Variants in NCAPD3 observed in about 807,000 individuals in gnomAD.
NCAPD3 encodes the protein non-SMC condensin II complex subunit D3, also known as condensin-2 complex subunit D3.
Under a neutral mutation model 182.9 loss-of-function variants are expected in NCAPD3, and 105 were observed. The observed-to-expected ratio is 0.57, with a 90% CI of 0.49 to 0.68. The LOEUF (loss-of-function observed/expected upper bound fraction) is 0.68. Among genes scored for constraint, NCAPD3 ranks in the 30% least tolerant of loss-of-function variants. NCAPD3 has a pLI of 0.00. For synonymous variants in NCAPD3, 815 were observed against 679.9 expected (o/e 1.20, Z -3.09); for missense variants, 1,944 against 1,837.0 (o/e 1.06, Z -1.07).
At chr11:134,167,360 G>T (rs1474993516) in intron 27 of NCAPD3, among the ~76,000 whole-genome samples, 1 of 95,156 alleles carries the variant, frequency 1.1e-5, no homozygotes, top group Non-Finnish European at 2.0e-5. Flanking sequence ...GATGAGCTTG[G>T]GGGAGGCGCA....
rs1246819127 is a variant in NCAPD3 at position 134,159,955 on chromosome 11, C to T, written c.3804G>A (p.Glu1268=). The T allele has an allele frequency of 1.1e-5, 17 of 1,614,076 alleles. No homozygotes were observed. Among genetic ancestry groups the T allele is most frequent in the Non-Finnish European group, 1.4e-5 (17 of 1,180,046 alleles). Residue 1268 remains glutamate (E), a synonymous_variant, in exon 29 of 35, where the codon GAG becomes GAA. Transcript: ENST00000534548. ...CGGCCACATCTGCATGTTTTGCTAG[C>T]TCCTGCTCCTGGACCAGCTGTTCCT... is the stretch of plus-strand genomic sequence containing the variant. ...KYQEQLVQEQ[E]LAKHADVAGT...
At chr11:134,206,518 C>T (rs1937618759) in intron 8 of NCAPD3, 81 bp downstream of exon 8, 1 of 1,553,296 alleles carries the variant, frequency 6.4e-7, no homozygotes, top group Non-Finnish European at 8.8e-7. Flanking sequence ...TTTAAGTCTA[C>T]ATGTATCAGA....
intron 3 of NCAPD3, among the ~76,000 whole-genome samples, chr11:134,215,783 A>C (rs1406641056): frequency 6.6e-6 from 1 of 152,226 alleles, no homozygotes; most frequent in Non-Finnish European, 1.5e-5. Flanking sequence ...TTATTGTTGC[A>C]GAAATTCACG....
At chr11:134,165,282 T>C (rs1296870863) in intron 27 of NCAPD3, among the ~76,000 whole-genome samples, 1 of 143,052 alleles carries the variant, frequency 7.0e-6, no homozygotes, top group African/African-American at 2.7e-5. Context: ...CACACTCGCT[T>C]GTGAGATGAA....
chr11:134,225,140 C>T (rs975314478), upstream of NCAPD3: 5 of 1,609,728 alleles, frequency 3.1e-6, no homozygotes, highest in Non-Finnish European at 3.4e-6. Flanking sequence ...TCTTCGGCTT[C>T]GGGCAGAGCG....
rs746386492 is a variant in NCAPD3 at position 134,177,438 on chromosome 11, G to A, written c.2802C>T (p.His934=). Reference sequence around the variant, plus strand: ...GGATGCTCTTCTTTGCCAGATCCTCGTGCTGTAAGCACAGCTTACCTGGCA... The same window carrying A: ...GGATGCTCTTCTTTGCCAGATCCTCATGCTGTAAGCACAGCTTACCTGGCA... ...IITLGKLCLQ[H]EDLAKKSIPA... Residue 934 remains histidine, a synonymous_variant, in exon 23 of 35, where the codon CAC becomes CAT. Transcript: ENST00000534548. 36 of 1,613,846 alleles carry A rather than the reference G, an allele frequency of 2.2e-5. No homozygotes were observed. Among genetic ancestry groups the A allele is most frequent in the Admixed American group, 1.7e-4 (10 of 60,028 alleles).
upstream of NCAPD3, chr11:134,225,420 C>T (rs761712816): frequency 1.6e-5 from 23 of 1,463,724 alleles, no homozygotes; most frequent in East Asian, 4.3e-4. Context: ...GGGCCCAGCT[C>T]CTCCGGCGAG....
intron 29 of NCAPD3, among the ~76,000 whole-genome samples, chr11:134,159,496 G>A (rs557239467): frequency 1.3e-5 from 2 of 152,348 alleles, no homozygotes; most frequent in South Asian, 4.1e-4. Context: ...GTGCTCATTG[G>A]TCTTTCCTAC....
chr11:134,174,510 T>C (rs918680112), intron 24 of NCAPD3, among the ~76,000 whole-genome samples: 1 of 149,672 alleles, frequency 6.7e-6, no homozygotes, highest in East Asian at 2.0e-4. Context: ...CATATATATA[T>C]ACACACCACA....
chr11:134,216,838 T>C (rs1262939252), intron 3 of NCAPD3, 98 bp downstream of exon 3: 2 of 1,293,470 alleles, frequency 1.5e-6, no homozygotes, highest in Non-Finnish European at 2.1e-6. Flanking sequence ...CACTGCCCCA[T>C]TTATAAGTGA....
chr11:134,166,692 C>G (rs1943816521), intron 27 of NCAPD3, among the ~76,000 whole-genome samples: 1 of 113,838 alleles, frequency 8.8e-6, no homozygotes, highest in Non-Finnish European at 1.8e-5. Context: ...GAGGGGCACA[C>G]TGAGTGAGAT....
chr11:134,194,788 G>C (rs1268500383), intron 13 of NCAPD3, 50 bp from the exon 14 acceptor site: 1 of 1,295,436 alleles, frequency 7.7e-7, no homozygotes, highest in Non-Finnish European at 1.1e-6. Flanking sequence ...AAGTCACACA[G>C]CAGCTAACAT....
At chr11:134,191,623 T>C (rs1944526507) in intron 16 of NCAPD3, among the ~76,000 whole-genome samples, 1 of 151,906 alleles carries the variant, frequency 6.6e-6, no homozygotes, top group South Asian at 2.1e-4. Flanking sequence ...TTAACATGAA[T>C]TAATACATAG....
chr11:134,178,420 G>T (rs548475849), intron 22 of NCAPD3: 1 of 394,762 alleles, frequency 2.5e-6, no homozygotes, highest in African/African-American at 2.0e-5. Context: ...GAGTACCTTA[G>T]TCTTGAGGAC....
chr11:134,216,864 A>C lies in NCAPD3; in HGVS notation c.382+72T>G, dbSNP rs1226932374. On this transcript the variant is annotated intron_variant, in intron 3 of 34. Coordinates refer to ENST00000534548, the MANE Select transcript of NCAPD3 (RefSeq NM_015261.3). ...TTATAAGTGAAGAAACAAGAAACAA[A>C]GTATAAGAATTGAAAACTGTAGAAA... 2.8e-6 allele frequency: 4 copies of C among 1,436,782 alleles called. No homozygotes were observed. In the African/African-American group the frequency reaches 5.8e-5, roughly 21 times the overall value. 89.0% of individuals were successfully genotyped at this position (1,436,782 alleles called of 1,614,324 possible).
chr11:134,192,948 A>G (rs1322019531), intron 15 of NCAPD3, 39 bp from the exon 16 acceptor site: 3 of 1,175,216 alleles, frequency 2.6e-6, no homozygotes, highest in Non-Finnish European at 3.8e-6. Context: ...AGGTCTAAAT[A>G]CAAGTCAGGG....
chr11:134,159,108 T>C (rs1424156389), intron 29 of NCAPD3, among the ~76,000 whole-genome samples: 2 of 152,272 alleles, frequency 1.3e-5, no homozygotes, highest in Non-Finnish European at 2.9e-5. Flanking sequence ...TTGTGAACAG[T>C]GCTGCAATAA....
At chr11:134,199,557 C>T (rs1009498960) in intron 13 of NCAPD3, among the ~76,000 whole-genome samples, 2 of 152,206 alleles carry the variant, frequency 1.3e-5, no homozygotes, top group African/African-American at 4.8e-5. Flanking sequence ...ATGATACACT[C>T]TCACGATGCT....
Position 134,223,373 on chromosome 11 carries a change from C to T in NCAPD3, c.64+490G>A, listed in dbSNP as rs566056265. 573 of 698,930 alleles carry T rather than the reference C, an allele frequency of 8.2e-4. 3 individuals are homozygous for T. Among genetic ancestry groups the T allele is most frequent in the South Asian group, 5.2e-3 (349 of 67,480 alleles). The allele number at this position is 698,930 out of a possible 1,614,324, so 43.3% of individuals were successfully genotyped here. A position where few individuals can be genotyped will look rare whatever the true frequency, so the allele number is the denominator to read the frequency against. ...GGGCATGAAAGGGGAAGCAGAAATG[C>T]CATGACTCCTGGGTTGGTGGCTTGG... is the stretch of plus-strand genomic sequence containing the variant. On this transcript the variant is annotated intron_variant, in intron 1 of 34. Transcript: ENST00000534548.
Sources: allele counts gnomAD v4.1 joint callset (sites outside exome capture counted in the v4.1 genomes callset), GRCh38; gene constraint gnomAD v4.1.1; transcripts MANE v1.5; gene names NCBI Gene and HGNC (gene_info 2026-07-23, HGNC 2026-07-21).